The following BICC1 variants were observed in gnomAD, a reference collection of about 807,000 sequenced individuals.
BICC1 encodes the protein protein bicaudal C homolog 1.
In BICC1, 43 loss-of-function variants were observed where a neutral mutation model predicts 111.0. That is an observed-to-expected ratio of 0.39 (90% CI 0.30 to 0.50). The LOEUF (loss-of-function observed/expected upper bound fraction) is 0.50. Ranked by LOEUF, BICC1 falls within the 20% of genes least tolerant of loss-of-function variation. The probability of loss-of-function intolerance (pLI) is 0.88; values close to 1 mark genes in which losing one functional copy is unlikely to be tolerated. For missense variants in BICC1, 1,091 were observed against 1,203.2 expected, an observed-to-expected ratio of 0.91 and a Z score of 1.38; for synonymous variants, 467 against 434.4, an observed-to-expected ratio of 1.07 and a Z score of -0.93.
At chr10:58,555,401 A>G (rs1365884572) in intron 1 of BICC1, among the ~76,000 whole-genome samples, 1 of 147,648 alleles carries the variant, frequency 6.8e-6, no homozygotes, top group Non-Finnish European at 1.5e-5. Flanking sequence ...ATGTATTGTA[A>G]CCTGTTGGAA....
At chr10:58,600,103 C>G (rs1187086090) in intron 1 of BICC1, among the ~76,000 whole-genome samples, 6 of 152,108 alleles carry the variant, frequency 3.9e-5, no homozygotes, top group Admixed American at 1.3e-4. Context: ...TTTTGCTCCT[C>G]CTGTTGTAGT....
At chr10:58,760,365 A>G (rs1842277477) in intron 3 of BICC1, among the ~76,000 whole-genome samples, 1 of 152,180 alleles carries the variant, frequency 6.6e-6, no homozygotes, top group African/African-American at 2.4e-5. Flanking sequence ...GCATTCATAT[A>G]TTACGCCTCT....
At chr10:58,663,590 C>G (rs1476932927) in intron 2 of BICC1, among the ~76,000 whole-genome samples, 4 of 152,164 alleles carry the variant, frequency 2.6e-5, no homozygotes, top group Non-Finnish European at 4.4e-5. Context: ...CCTGTCAGAT[C>G]AGCGGCAGCA....
chr10:58,687,028 A>T (rs1684851942), intron 2 of BICC1, among the ~76,000 whole-genome samples: 1 of 152,124 alleles, frequency 6.6e-6, no homozygotes, highest in African/African-American at 2.4e-5. Context: ...GTCTTTGATG[A>T]TGGTGATGTA....
At chr10:58,620,198 G>C (rs778065091) in intron 1 of BICC1, among the ~76,000 whole-genome samples, 10 of 151,992 alleles carry the variant, frequency 6.6e-5, no homozygotes, top group Non-Finnish European at 1.3e-4. Flanking sequence ...TATGAACACA[G>C]ACTGAGAAAT....
intron 1 of BICC1, among the ~76,000 whole-genome samples, chr10:58,609,395 T>G (rs980905639): frequency 3.9e-5 from 6 of 152,212 alleles, no homozygotes; most frequent in African/African-American, 1.4e-4. Context: ...TGTGCTCTAC[T>G]TGAAACTTTT....
At chr10:58,780,631 AG>A (rs1842858707) in intron 3 of BICC1, among the ~76,000 whole-genome samples, 1 of 152,166 alleles carries the variant, frequency 6.6e-6, no homozygotes, top group Non-Finnish European at 1.5e-5. Context: ...AAGGAGGTTT[AG>A]GGGCCTGAAG....
chr10:58,787,173 AC>A, intron 5 of BICC1, 92 bp downstream of exon 5: 1 of 1,187,118 alleles, frequency 8.4e-7, no homozygotes, highest in African/African-American at 1.6e-5. Context: ...GAGAGGTGAG[AC>A]AAAAAAAAAA....
At chr10:58,796,189 G>A in intron 9 of BICC1, 151 bp from the exon 10 acceptor site, 1 of 668,874 alleles carries the variant, frequency 1.5e-6, no homozygotes, top group South Asian at 2.0e-5. Flanking sequence ...GCACGAAGTG[G>A]TTAGAATTTG....
intron 3 of BICC1, among the ~76,000 whole-genome samples, chr10:58,779,680 AGTTT>A (rs1564609030): frequency 2.6e-5 from 4 of 151,762 alleles, no homozygotes; most frequent in African/African-American, 9.7e-5. Flanking sequence ...AAGGTGACAG[AGTTT>A]GTTTATGGCT....
chr10:58,568,616 A>G (rs966122732), intron 1 of BICC1, among the ~76,000 whole-genome samples: 2 of 152,164 alleles, frequency 1.3e-5, no homozygotes, highest in Non-Finnish European at 2.9e-5. Flanking sequence ...CGCCCACATC[A>G]GCACACCACA....
chr10:58,527,435 A>AT (rs746432438), intron 1 of BICC1, among the ~76,000 whole-genome samples: 27 of 151,918 alleles, frequency 1.8e-4, no homozygotes, highest in Non-Finnish European at 2.9e-4. Context: ...ATTAGATCCC[A>AT]TTTGTCAAAT....
chr10:58,779,831 A>C (rs184493973), intron 3 of BICC1, among the ~76,000 whole-genome samples: 3 of 152,298 alleles, frequency 2.0e-5, no homozygotes, highest in East Asian at 1.9e-4. Flanking sequence ...TTTTCCCTAT[A>C]TGATTCCAAG....
chr10:58,736,122 A>AT (rs1270635174), intron 3 of BICC1, among the ~76,000 whole-genome samples: 1 of 152,180 alleles, frequency 6.6e-6, no homozygotes, highest in African/African-American at 2.4e-5. Context: ...GTGGAAGGAG[A>AT]TGTGTGTATT....
At chr10:58,618,327 C>T (rs1469104927) in intron 1 of BICC1, among the ~76,000 whole-genome samples, 3 of 152,194 alleles carry the variant, frequency 2.0e-5, no homozygotes, top group Non-Finnish European at 4.4e-5. Context: ...GAGTTTGGAG[C>T]GCATGTACAC....
chr10:58,726,473 C>G (rs941566395), intron 3 of BICC1, among the ~76,000 whole-genome samples: 3 of 152,176 alleles, frequency 2.0e-5, no homozygotes, highest in African/African-American at 4.8e-5. Flanking sequence ...ACCTACAGTT[C>G]ATCCATCTGG....
chr10:58,720,721 TCTA>T (rs1424011962), intron 3 of BICC1, among the ~76,000 whole-genome samples: 16 of 152,170 alleles, frequency 1.1e-4, no homozygotes, highest in African/African-American at 2.9e-4. Flanking sequence ...TGAGAACTCA[TCTA>T]CAGACAGTGA....
chr10:58,748,762 A>G (rs1278968757), intron 3 of BICC1, among the ~76,000 whole-genome samples: 2 of 152,000 alleles, frequency 1.3e-5, no homozygotes, highest in African/African-American at 4.8e-5. Flanking sequence ...AGAGTTTCAC[A>G]TTTTTGAGCC....
chr10:58,604,724 T>G lies in BICC1; in HGVS notation c.191-16131T>G, dbSNP rs188033058. ...ATCCTGAATGAATATTAGTTCATGCTTTTATGTCTTTAGAAAACATAGTTG... is the reference window on the plus strand; with the variant it reads ...ATCCTGAATGAATATTAGTTCATGCGTTTATGTCTTTAGAAAACATAGTTG... On this transcript the variant is annotated intron_variant, in intron 1 of 20. Transcript: ENST00000373886. Among the ~76,000 whole-genome samples the G allele has an allele frequency of 1.0e-3, 155 of 152,320 alleles. 1 individual carries two copies. Among genetic ancestry groups the G allele is most frequent in the Non-Finnish European group, 2.9e-5 (2 of 68,032 alleles).
Sources: gnomAD v4.1 joint callset for allele counts (sites outside exome capture counted in the v4.1 genomes callset) on GRCh38, gnomAD v4.1.1 for gene constraint, MANE v1.5 for transcripts, NCBI Gene and HGNC (gene_info 2026-07-23, HGNC 2026-07-21) for gene names.